The following CNTN4 variants were observed in gnomAD, a reference collection of about 807,000 sequenced individuals.
The protein encoded by CNTN4 is contactin-4.
CNTN4 carries 77 observed loss-of-function variants against 122.5 expected under a neutral mutation model. The observed-to-expected ratio is 0.63, with a 90% confidence interval of 0.52 to 0.76. CNTN4 has a LOEUF of 0.76. Among genes scored for constraint, CNTN4 ranks in the 30% least tolerant of loss-of-function variants. The pLI is 0.00. For synonymous variants in CNTN4, 512 were observed against 447.0 expected (o/e 1.15, Z -1.83); for missense variants, 1,256 against 1,259.1 (o/e 1.00, Z 0.04).
At chr3:2,846,785 T>A (rs958013547) in intron 7 of CNTN4, among the ~76,000 whole-genome samples, 2 of 152,074 alleles carry the variant, frequency 1.3e-5, no homozygotes, top group Admixed American at 1.3e-4. Flanking sequence ...TCACCTGAGG[T>A]TGGGAGTTCG....
intron 2 of CNTN4, among the ~76,000 whole-genome samples, chr3:2,120,879 A>G (rs569441163): frequency 4.4e-4 from 67 of 152,278 alleles, no homozygotes; most frequent in African/African-American, 1.4e-3. Flanking sequence ...AAGTCACTAA[A>G]TGTTTCTATT....
intron 3 of CNTN4, among the ~76,000 whole-genome samples, chr3:2,557,752 A>T (rs867772061): frequency 2.1e-5 from 3 of 141,112 alleles, no homozygotes; most frequent in African/African-American, 7.7e-5. Context: ...TTCTGTCTCA[A>T]AAAAAAAAAA....
At chr3:2,829,241 A>T (rs142685808) in intron 7 of CNTN4, among the ~76,000 whole-genome samples, 2 of 152,162 alleles carry the variant, frequency 1.3e-5, no homozygotes, top group African/African-American at 4.8e-5. Context: ...TTATAAGGTG[A>T]TGCCTTTCTG....
intron 3 of CNTN4, among the ~76,000 whole-genome samples, chr3:2,548,277 A>T (rs1344945118): frequency 6.6e-6 from 1 of 152,108 alleles, no homozygotes; most frequent in East Asian, 1.9e-4. Flanking sequence ...GGTATTGCCT[A>T]GGTTTTCTTC....
At chr3:2,916,934 G>T in intron 12 of CNTN4, among the ~76,000 whole-genome samples, 1 of 145,964 alleles carries the variant, frequency 6.9e-6, no homozygotes, top group South Asian at 2.3e-4. Context: ...TCGGCACTTT[G>T]GGAGGCCAAG....
intron 4 of CNTN4, among the ~76,000 whole-genome samples, chr3:2,578,581 T>C (rs1576074195): frequency 6.6e-6 from 1 of 152,234 alleles, no homozygotes; most frequent in African/African-American, 2.4e-5. Flanking sequence ...TTAAACCTAG[T>C]ACTACTCTGT....
At chr3:2,152,324 G>A (rs1451480299) in intron 2 of CNTN4, among the ~76,000 whole-genome samples, 3 of 152,184 alleles carry the variant, frequency 2.0e-5, no homozygotes, top group African/African-American at 7.2e-5. Context: ...GTGATAAGAG[G>A]TGGCATCAGG....
At chr3:2,822,777 A>T (rs1464165165) in intron 7 of CNTN4, among the ~76,000 whole-genome samples, 2 of 152,188 alleles carry the variant, frequency 1.3e-5, no homozygotes, top group South Asian at 2.1e-4. Flanking sequence ...TAGATTAAAA[A>T]TTTCCATAGA....
At chr3:2,454,984 T>C (rs1398850008) in intron 3 of CNTN4, among the ~76,000 whole-genome samples, 4 of 152,142 alleles carry the variant, frequency 2.6e-5, no homozygotes, top group Admixed American at 1.3e-4. Flanking sequence ...TATAAATAAC[T>C]AAAAGGAGCA....
chr3:2,781,768 A>T (rs1576768444), intron 6 of CNTN4, among the ~76,000 whole-genome samples: 1 of 114,226 alleles, frequency 8.8e-6, no homozygotes, highest in Non-Finnish European at 1.6e-5. Context: ...TCTGTCGCCC[A>T]GGCTGGAGGG....
chr3:2,783,145 A>T (rs548387118), intron 6 of CNTN4, among the ~76,000 whole-genome samples: 1 of 151,764 alleles, frequency 6.6e-6, no homozygotes, highest in African/African-American at 2.4e-5. Context: ...AATTAGCAGG[A>T]CATAGTGGTG....
intron 3 of CNTN4, among the ~76,000 whole-genome samples, chr3:2,358,892 C>T (rs9310717): frequency 0.3 from 45,274 of 151,874 alleles, 7,015 homozygotes; most frequent in Admixed American, 0.36. Context: ...ATGGCTAGTC[C>T]GGTGCAGGCT....
intron 3 of CNTN4, among the ~76,000 whole-genome samples, chr3:2,481,690 A>G (rs908203253): frequency 7.2e-5 from 11 of 151,750 alleles, no homozygotes; most frequent in Admixed American, 1.3e-4. Flanking sequence ...CATAATCCCT[A>G]TGTGTTGTGG....
chr3:2,447,041 T>A (rs559616431), intron 3 of CNTN4, among the ~76,000 whole-genome samples: 78 of 152,292 alleles, frequency 5.1e-4, no homozygotes, highest in Admixed American at 1.2e-3. Flanking sequence ...ATCTTTCAAT[T>A]TAAGAAAAAA....
At chr3:3,006,845 A>C (rs904897747) in intron 14 of CNTN4, among the ~76,000 whole-genome samples, 9 of 152,184 alleles carry the variant, frequency 5.9e-5, no homozygotes, top group Non-Finnish European at 8.8e-5. Flanking sequence ...TAAGAATTAG[A>C]ATTTTCTCTG....
chr3:2,428,118 T>A (rs536222897), intron 3 of CNTN4, among the ~76,000 whole-genome samples: 1 of 152,316 alleles, frequency 6.6e-6, no homozygotes, highest in South Asian at 2.1e-4. Flanking sequence ...GTCATTATGA[T>A]GTTAGCTGGT....
rs138430933 is a variant in CNTN4, at chr3:2,379,924, G to A, written c.-89+40691G>A. Among the ~76,000 whole-genome samples, 1,310 of 152,140 alleles carry A rather than the reference G, an allele frequency of 8.6e-3. 12 individuals are homozygous for A. The highest frequency in any genetic ancestry group is 0.03 in the African/African-American group (1,235 of 41,512). On this transcript the variant is annotated intron_variant, in intron 3 of 24. Coordinates refer to ENST00000418658, the MANE Select transcript of CNTN4 (RefSeq NM_175607.3). ...ACAAAAAAATTAGCTGGGCATGGTG[G>A]CACATGCATGTAATCCCAGCTACTC... is the stretch of plus-strand genomic sequence containing the variant.
At chr3:2,114,595 C>T (rs983156523) in intron 2 of CNTN4, among the ~76,000 whole-genome samples, 7 of 152,074 alleles carry the variant, frequency 4.6e-5, no homozygotes, top group African/African-American at 1.7e-4. Context: ...GGCAATAGGG[C>T]CTTCATTTAC....
intron 2 of CNTN4, among the ~76,000 whole-genome samples, chr3:2,297,238 G>C (rs766167672): frequency 1.3e-5 from 2 of 152,180 alleles, no homozygotes; most frequent in Non-Finnish European, 2.9e-5. Flanking sequence ...AGAATGCACA[G>C]AAAGCTTCGT....
Sources: gnomAD v4.1 joint callset for allele counts (sites outside exome capture counted in the v4.1 genomes callset) on GRCh38, gnomAD v4.1.1 for gene constraint, MANE v1.5 for transcripts, NCBI Gene and HGNC (gene_info 2026-07-23, HGNC 2026-07-21) for gene names.